The following ACBD7 variants were observed in gnomAD, a reference collection of about 807,000 sequenced individuals.
ACBD7 encodes the protein acyl-CoA-binding domain-containing protein 7.
ACBD7 carries 11 observed loss-of-function variants against 13.7 expected under a neutral mutation model. The ratio of observed to expected loss-of-function variants is 0.80; its 90% CI spans 0.50 to 1.33. ACBD7 has a LOEUF of 1.33. ACBD7 is among the 40% of genes most tolerant of loss of function. The pLI is 0.00. For synonymous variants in ACBD7, 43 were observed against 37.7 expected (o/e 1.14, Z -0.51); for missense variants, 111 against 103.0 (o/e 1.08, Z -0.33).
At chr10:15,086,153 C>T (rs1564541437) in intron 1 of ACBD7, among the ~76,000 whole-genome samples, 1 of 151,918 alleles carries the variant, frequency 6.6e-6, no homozygotes, top group Non-Finnish European at 1.5e-5. Context: ...ACTAAAAATA[C>T]AAAAATTAGC....
At chr10:15,085,330 G>A (rs1844796954) in intron 1 of ACBD7, among the ~76,000 whole-genome samples, 1 of 152,184 alleles carries the variant, frequency 6.6e-6, no homozygotes, top group Admixed American at 6.5e-5. Flanking sequence ...ATCCTTCCGT[G>A]CTGACTAGGC....
At chr10:15,080,507 G>A (rs1427629135) in intron 1 of ACBD7, among the ~76,000 whole-genome samples, 2 of 151,824 alleles carry the variant, frequency 1.3e-5, no homozygotes, top group Non-Finnish European at 2.9e-5. Flanking sequence ...TTGAACCTGG[G>A]AGGCGGAGGT....
intron 1 of ACBD7, among the ~76,000 whole-genome samples, chr10:15,086,980 T>C (rs1844816659): frequency 7.1e-6 from 1 of 140,392 alleles, no homozygotes; most frequent in African/African-American, 2.7e-5. Flanking sequence ...GCCATTGCAC[T>C]CCAGCCTGGG....
At position 15,076,971 on chromosome 10, in the gene ACBD7, T is replaced by C. The variant is rs992826766; in HGVS notation, c.*1559A>G. The C allele has an allele frequency of 1.0e-6, 1 of 965,106 alleles. No individual in the cohort carries two copies. Among genetic ancestry groups the C allele is most frequent in the African/African-American group, 1.8e-5 (1 of 56,786 alleles). 59.8% of individuals were successfully genotyped at this position (965,106 alleles called of 1,614,324 possible). A position where few individuals can be genotyped will look rare whatever the true frequency, so the allele number is the denominator to read the frequency against. On this transcript the variant is annotated 3_prime_UTR_variant, in exon 4 of 4. Coordinates refer to ENST00000356189, the MANE Select transcript of ACBD7 (RefSeq NM_001039844.3). ...AACAGATGTGGAGAAAAGGGAATGC[T>C]TATACACTATTGGTGGGAATGTAAA... is the stretch of plus-strand genomic sequence containing the variant.
rs1218383662 is a variant in ACBD7, at chr10:15,078,695, T to A, written c.189A>T (p.Lys63Asn). 3.1e-6 allele frequency: 5 copies of A among 1,613,928 alleles called. No homozygotes were observed. The highest frequency in any genetic ancestry group is 4.2e-6 in the Non-Finnish European group (5 of 1,180,014). The stretch of plus-strand genomic sequence containing the variant: ...ACTTGTGAAAGACTAAAAAACCTTT[T>A]TTGAGGTTCCATGCTTCCCATTTGG... ...GKAKWEAWNL[K>N]KGLSTEDATS... The change falls in exon 3 of 4, where the codon AAA becomes AAT. Residue 63 changes from lysine (K) to asparagine (N), a missense_variant. Physicochemically the swap from Lys to Asn is moderately conservative, Grantham distance 94 (BLOSUM62 0). Transcript: ENST00000356189.
rs568969610 is a variant in ACBD7, at chr10:15,077,176, G to C, written c.*1354C>G. ...CACAATTCACAAGAGCAAAGATATG[G>C]AATCAACCTAAGTATCCATCAGCAG... On this transcript the variant is annotated 3_prime_UTR_variant, in exon 4 of 4. Coordinates refer to ENST00000356189, the MANE Select transcript of ACBD7 (RefSeq NM_001039844.3). 1.3e-5 allele frequency among the ~76,000 whole-genome samples: 2 copies of C among 152,206 alleles called. No individual in the cohort carries two copies. The highest frequency in any genetic ancestry group is 4.8e-5 in the African/African-American group (2 of 41,520).
Position 15,077,225 on chromosome 10 carries a change from T to C in ACBD7, c.*1305A>G, listed in dbSNP as rs545234984. ...AGATGATGGGATAAAGAAAACGTTG[T>C]ATATGTATACCAGGGGATATTACTC... On this transcript the variant is annotated 3_prime_UTR_variant, in exon 4 of 4. Coordinates refer to ENST00000356189, the MANE Select transcript of ACBD7 (RefSeq NM_001039844.3). Among the ~76,000 whole-genome samples the C allele has an allele frequency of 3.1e-4, 47 of 152,288 alleles. No individual in the cohort carries two copies. Among genetic ancestry groups the C allele is most frequent in the Middle Eastern group, 3.4e-3 (1 of 294 alleles).
intron 1 of ACBD7, among the ~76,000 whole-genome samples, chr10:15,085,328 G>A (rs946210303): frequency 2.0e-5 from 3 of 152,154 alleles, no homozygotes; most frequent in South Asian, 2.1e-4. Flanking sequence ...GCATCCTTCC[G>A]TGCTGACTAG....
Position 15,076,531 on chromosome 10 carries a change from CT to C in ACBD7, c.*1998del. On this transcript the variant is annotated 3_prime_UTR_variant, in exon 4 of 4. Coordinates refer to ENST00000356189, the MANE Select transcript of ACBD7 (RefSeq NM_001039844.3). Reference sequence around the variant, plus strand: ...TTTTTTTTTTTTTTTGAGACGGAGTCTTGTTTTGTCGCCCAGGCTGGAGTGC... The same window carrying C: ...TTTTTTTTTTTTTTTGAGACGGAGTCTGTTTTGTCGCCCAGGCTGGAGTGC... 2 of 863,716 alleles carry C rather than the reference CT, an allele frequency of 2.3e-6. No homozygotes were observed. The highest frequency in any genetic ancestry group is 2.7e-6 in the Non-Finnish European group (2 of 728,578). 53.5% of individuals were successfully genotyped at this position (863,716 alleles called of 1,614,324 possible).
chr10:15,080,229 CT>C (rs1293249305), intron 1 of ACBD7, among the ~76,000 whole-genome samples: 3 of 152,064 alleles, frequency 2.0e-5, no homozygotes, highest in African/African-American at 7.2e-5. Flanking sequence ...TTAGGGAAAA[CT>C]TTGTATACCA....
At position 15,078,399 on chromosome 10, in the gene ACBD7, G is replaced by A. The variant is rs1844708351; in HGVS notation, c.*131C>T. The A allele has an allele frequency of 6.4e-7, 1 of 1,557,972 alleles. No individual in the cohort carries two copies. The highest frequency in any genetic ancestry group is 1.8e-5 in the Admixed American group (1 of 54,450). ...CTATGTAGTTTCAGTATACTTCTAA[G>A]TACTACAGCTCATGCTAATAGCAAA... On this transcript the variant is annotated 3_prime_UTR_variant, in exon 4 of 4. Transcript: ENST00000356189.
Position 15,076,358 on chromosome 10 carries a change from G to T in ACBD7, c.*2172C>A. 2.0e-6 allele frequency: 2 copies of T among 985,078 alleles called. No individual in the cohort carries two copies. The highest frequency in any genetic ancestry group is 2.4e-6 in the Non-Finnish European group (2 of 829,802). The allele number at this position is 985,078 out of a possible 1,614,324, so 61.0% of individuals were successfully genotyped here. ...TACTCAGATAGAACTGAACATATGGGGTACAGTAGTGGTACAGTTTATCAC... is the reference window on the plus strand; with the variant it reads ...TACTCAGATAGAACTGAACATATGGTGTACAGTAGTGGTACAGTTTATCAC... On this transcript the variant is annotated 3_prime_UTR_variant, in exon 4 of 4. Coordinates refer to ENST00000356189, the MANE Select transcript of ACBD7 (RefSeq NM_001039844.3).
At chr10:15,085,157 C>T (rs1488373378) in intron 1 of ACBD7, among the ~76,000 whole-genome samples, 1 of 152,138 alleles carries the variant, frequency 6.6e-6, no homozygotes, top group Non-Finnish European at 1.5e-5. Flanking sequence ...TGCATTATCT[C>T]CCGGTCACCC....
intron 1 of ACBD7, among the ~76,000 whole-genome samples, chr10:15,084,370 T>C (rs1367970888): frequency 6.6e-6 from 1 of 152,194 alleles, no homozygotes; most frequent in Non-Finnish European, 1.5e-5. Flanking sequence ...ATAGGTGAGA[T>C]GCAGCTTTAA....
intron 1 of ACBD7, among the ~76,000 whole-genome samples, chr10:15,081,416 C>T (rs1332712127): frequency 6.6e-6 from 1 of 152,158 alleles, no homozygotes; most frequent in Non-Finnish European, 1.5e-5. Context: ...GCACCTGGAC[C>T]CATCCAGATT....
chr10:15,079,728 G>A (rs1189516218), intron 1 of ACBD7, among the ~76,000 whole-genome samples: 9 of 151,628 alleles, frequency 5.9e-5, no homozygotes, highest in Non-Finnish European at 1.0e-4. Flanking sequence ...ATAGGCACCT[G>A]CCACCGCGCC....
rs1564538382 is a variant in ACBD7 at position 15,075,993 on chromosome 10, A to AAAAAG, written c.*2532_*2536dup. 3.4e-4 allele frequency: 210 copies of AAAAAG among 624,068 alleles called. No homozygotes were observed. The highest frequency in any genetic ancestry group is 2.0e-3 in the African/African-American group (94 of 47,988). 38.7% of individuals were successfully genotyped at this position (624,068 alleles called of 1,614,324 possible). ...TGTCTCAACAAAAAAAAAAAAAAAA[A>AAAAAG]AAAAGAAAAGAAAAAGAATGTTATA... is the stretch of plus-strand genomic sequence containing the variant. On this transcript the variant is annotated 3_prime_UTR_variant, in exon 4 of 4. Transcript: ENST00000356189.
chr10:15,084,343 G>A (rs1844784792), intron 1 of ACBD7, among the ~76,000 whole-genome samples: 6 of 152,158 alleles, frequency 3.9e-5, no homozygotes, highest in Admixed American at 3.9e-4. Flanking sequence ...AGACTTTAGG[G>A]GGATCAGAAA....
chr10:15,084,599 G>C (rs1259377284), intron 1 of ACBD7, among the ~76,000 whole-genome samples: 1 of 152,168 alleles, frequency 6.6e-6, no homozygotes, highest in Non-Finnish European at 1.5e-5. Flanking sequence ...AGAATTTTCT[G>C]TGCTTAAACG....
Sources: allele counts gnomAD v4.1 joint callset (sites outside exome capture counted in the v4.1 genomes callset), GRCh38; gene constraint gnomAD v4.1.1; transcripts MANE v1.5; gene names NCBI Gene and HGNC (gene_info 2026-07-23, HGNC 2026-07-21).